ADGRG3: variants seen among roughly 807,000 people sequenced by gnomAD.
ADGRG3 encodes the protein G protein-coupled receptor 97.
Under a neutral mutation model 54.3 loss-of-function variants are expected in ADGRG3, and 39 were observed. The observed-to-expected ratio is 0.72, with a 90% CI of 0.56 to 0.94. ADGRG3 has a LOEUF of 0.94. Among genes scored for constraint, ADGRG3 ranks in the 40% least tolerant of loss-of-function variants. The probability of loss-of-function intolerance (pLI) is 0.00; values close to 1 mark genes in which losing one functional copy is unlikely to be tolerated. For synonymous variants in ADGRG3, 312 were observed against 290.0 expected (o/e 1.08, Z -0.77); for missense variants, 654 against 694.6 (o/e 0.94, Z 0.66).
At chr16:57,681,540 G>A (rs1282563217) in intron 8 of ADGRG3, among the ~76,000 whole-genome samples, 1 of 152,060 alleles carries the variant, frequency 6.6e-6, no homozygotes, top group Non-Finnish European at 1.5e-5. Context: ...GGCCAACATG[G>A]TGAAAGCCCA....
At chr16:57,685,524 T>C in intron 10 of ADGRG3, 119 bp from the exon 11 acceptor site, 1 of 958,454 alleles carries the variant, frequency 1.0e-6, no homozygotes, top group South Asian at 1.5e-5. Flanking sequence ...GAGCCAGGGA[T>C]TGATGGGTGG....
At chr16:57,667,394 C>T (rs1426525153), upstream of ADGRG3, among the ~76,000 whole-genome samples, 1 of 152,254 alleles carries the variant, frequency 6.6e-6, no homozygotes, top group African/African-American at 2.4e-5. Flanking sequence ...AGAGTTGGCC[C>T]GAGTGGCTGG....
upstream of ADGRG3, among the ~76,000 whole-genome samples, chr16:57,666,134 T>C (rs189616528): frequency 1.4e-3 from 220 of 152,254 alleles, no homozygotes; most frequent in African/African-American, 4.9e-3. Context: ...CTTACAGGCT[T>C]CTAGGTCTCC....
chr16:57,678,129 G>A (rs1439240213), intron 3 of ADGRG3, 41 bp from the exon 4 acceptor site: 4 of 1,603,594 alleles, frequency 2.5e-6, no homozygotes, highest in Admixed American at 1.7e-5. Context: ...CTCGTGTTGG[G>A]GGGTGGGTAC....
chr16:57,688,516 C>A lies in ADGRG3; in HGVS notation c.*55C>A. 1.0e-6 allele frequency: 1 copy of A among 997,556 alleles called. No homozygotes were observed. Among genetic ancestry groups the A allele is most frequent in the Non-Finnish European group, 1.6e-6 (1 of 617,522 alleles). The allele number at this position is 997,556 out of a possible 1,614,324, so 61.8% of individuals were successfully genotyped here. On this transcript the variant is annotated 3_prime_UTR_variant, in exon 12 of 12. Transcript: ENST00000333493. ...CTCTGGCTCTCTGTGTGACCTTGGG[C>A]AGCTCCGTGCCTCTCTCTGTACTCC...
chr16:57,676,627 G>T (rs66853547), intron 3 of ADGRG3, among the ~76,000 whole-genome samples: 29,856 of 152,172 alleles, frequency 0.2, 3,389 homozygotes, highest in African/African-American at 0.3. Context: ...CCCTTCACCA[G>T]CCATTGTGAT....
intron 1 of ADGRG3, among the ~76,000 whole-genome samples, chr16:57,672,230 A>T (rs2048175578): frequency 6.6e-6 from 1 of 152,148 alleles, no homozygotes; most frequent in Non-Finnish European, 1.5e-5. Flanking sequence ...GTGTAAATTT[A>T]AAAAACGATG....
intron 8 of ADGRG3, among the ~76,000 whole-genome samples, chr16:57,681,564 T>C (rs1284876534): frequency 6.6e-6 from 1 of 151,612 alleles, no homozygotes; most frequent in African/African-American, 2.4e-5. Context: ...CTACTAAAAA[T>C]ACAAAACAAA....
chr16:57,682,302 C>T (rs2048388081), intron 8 of ADGRG3, among the ~76,000 whole-genome samples: 1 of 152,210 alleles, frequency 6.6e-6, no homozygotes, highest in Non-Finnish European at 1.5e-5. Flanking sequence ...CCTGGGGGTC[C>T]CTGGGGGTGG....
upstream of ADGRG3, among the ~76,000 whole-genome samples, chr16:57,666,225 T>A (rs1375067262): frequency 6.6e-6 from 1 of 152,012 alleles, no homozygotes; most frequent in Non-Finnish European, 1.5e-5. Context: ...TCTTCCAGAA[T>A]GGGGGGGAAA....
intron 4 of ADGRG3, 176 bp downstream of exon 4, chr16:57,678,492 G>T: frequency 3.2e-6 from 2 of 620,602 alleles, no homozygotes; most frequent in Non-Finnish European, 5.7e-6. Context: ...TAGAGTCTAT[G>T]GTCTTCAGAC....
intron 3 of ADGRG3, among the ~76,000 whole-genome samples, chr16:57,677,908 G>T (rs1313173278): frequency 2.0e-5 from 3 of 152,222 alleles, no homozygotes; most frequent in African/African-American, 7.2e-5. Flanking sequence ...CCAGGCATCA[G>T]GTGCCCAGAC....
At chr16:57,666,842 C>G (rs2048069488), upstream of ADGRG3, among the ~76,000 whole-genome samples, 1 of 152,214 alleles carries the variant, frequency 6.6e-6, no homozygotes, top group Non-Finnish European at 1.5e-5. Flanking sequence ...GGCGCTTCTT[C>G]ACACACTGGT....
intron 6 of ADGRG3, among the ~76,000 whole-genome samples, 153 bp from the exon 7 acceptor site, chr16:57,680,112 C>T (rs1372004419): frequency 2.0e-5 from 2 of 99,660 alleles, no homozygotes; most frequent in African/African-American, 9.0e-5. Flanking sequence ...CTCTCCTCCC[C>T]TCCCTATATT....
Position 57,680,510 on chromosome 16 carries a change from C to T in ADGRG3, c.774C>T (p.Pro258=), listed in dbSNP as rs746827940. 7.4e-6 allele frequency: 12 copies of T among 1,613,366 alleles called. No homozygotes were observed. In the South Asian group the frequency reaches 1.3e-4, roughly 18 times the overall value. The change falls in exon 8 of 12, where the codon CCC becomes CCT. Residue 258 remains proline (P), a synonymous_variant. Transcript: ENST00000333493. The part of the protein sequence containing the change: ...HLTFFALLLR[P]TLDQSTVHIL... ...GGTTCTGGGGTCACCCACAGAGACC[C>T]ACCTTGGACCAGTCCACGGTGCATA...
chr16:57,688,222 AT>A, intron 11 of ADGRG3, 129 bp from the exon 12 acceptor site: 1 of 674,048 alleles, frequency 1.5e-6, no homozygotes, highest in Admixed American at 2.3e-5. Flanking sequence ...AAATGGTTGC[AT>A]TTTTGCCTTT....
chr16:57,676,262 C>A lies in ADGRG3; in HGVS notation c.269C>A (p.Pro90His). The A allele has an allele frequency of 6.2e-7, 1 of 1,614,128 alleles. No individual in the cohort carries two copies. The highest frequency in any genetic ancestry group is 1.1e-5 in the South Asian group (1 of 91,082). The change falls in exon 3 of 12, where the codon CCT becomes CAT. Residue 90 changes from proline to histidine, a missense_variant. Physicochemically the swap from Pro to His is moderately conservative, Grantham distance 77. Transcript: ENST00000333493. ...KEGLTQKVNT[P>H]FLKALVQNLS... is the part of the protein sequence containing the mutation. ...GGTTTGACGCAGAAGGTGAACACGC[C>A]TTTCCTGAAGGCTTTGGTCCAGAAC...
chr16:57,680,402 G>T, intron 7 of ADGRG3, 37 bp downstream of exon 7: 1 of 1,589,898 alleles, frequency 6.3e-7, no homozygotes, highest in Non-Finnish European at 8.6e-7. Context: ...AGCCATCCCA[G>T]GGGCTTCCAG....
chr16:57,680,471 A>G lies in ADGRG3; in HGVS notation c.769-34A>G, dbSNP rs763312856. ...TTTGGGTATATGGGCCTGGCCTCCA[A>G]CTGACGTGGTCCCGGTTCTGGGGTC... On this transcript the variant is annotated intron_variant, in intron 7 of 11. Coordinates refer to ENST00000333493, the MANE Select transcript of ADGRG3 (RefSeq NM_170776.5). 6 of 1,592,316 alleles carry G rather than the reference A, an allele frequency of 3.8e-6. No individual in the cohort carries two copies. In the South Asian group the frequency reaches 5.5e-5, roughly 15 times the overall value.
Sources: gnomAD v4.1 joint callset for allele counts (sites outside exome capture counted in the v4.1 genomes callset) on GRCh38, gnomAD v4.1.1 for gene constraint, MANE v1.5 for transcripts, NCBI Gene and HGNC (gene_info 2026-07-23, HGNC 2026-07-21) for gene names.